KCNN2: variants seen among roughly 807,000 people sequenced by gnomAD.
The protein encoded by KCNN2 is small conductance calcium-activated potassium channel protein 2.
Under a neutral mutation model 55.5 loss-of-function variants are expected in KCNN2, and 24 were observed. The ratio of observed to expected loss-of-function variants is 0.43; its 90% CI spans 0.31 to 0.61. The LOEUF (loss-of-function observed/expected upper bound fraction) is 0.61, where lower values mean the gene tolerates loss of function less well. Among genes scored for constraint, KCNN2 ranks in the 20% least tolerant of loss-of-function variants. The pLI, the probability that KCNN2 is intolerant of heterozygous loss-of-function variation, is 0.08. For missense variants in KCNN2, 754 were observed against 853.6 expected, an observed-to-expected ratio of 0.88 and a Z score of 1.45; for synonymous variants, 431 against 336.1, an observed-to-expected ratio of 1.28 and a Z score of -3.09.
intron 1 of KCNN2, among the ~76,000 whole-genome samples, chr5:114,118,649 C>A (rs956528808): frequency 3.9e-5 from 6 of 151,962 alleles, no homozygotes; most frequent in Non-Finnish European, 8.8e-5. Flanking sequence ...ATCAAGTATG[C>A]TGATTTGCAT....
intron 1 of KCNN2, among the ~76,000 whole-genome samples, chr5:114,102,446 T>A (rs769454257): frequency 6.6e-6 from 1 of 152,206 alleles, no homozygotes; most frequent in African/African-American, 2.4e-5. Flanking sequence ...TTTAATTAGA[T>A]CCCTTTTGTC....
At chr5:114,488,805 A>AC (rs1561416635) in intron 6 of KCNN2, among the ~76,000 whole-genome samples, 1 of 152,196 alleles carries the variant, frequency 6.6e-6, no homozygotes, top group Non-Finnish European at 1.5e-5. Context: ...CAGAGGCCAT[A>AC]CCATGCATGG....
intron 1 of KCNN2, among the ~76,000 whole-genome samples, chr5:114,102,552 C>T (rs1004263442): frequency 5.9e-5 from 9 of 151,900 alleles, no homozygotes; most frequent in South Asian, 2.1e-4. Context: ...TTTTCTTCTA[C>T]GATTTTTATG....
intron 2 of KCNN2, among the ~76,000 whole-genome samples, chr5:114,241,213 A>G (rs1393443761): frequency 6.6e-6 from 1 of 151,916 alleles, no homozygotes; most frequent in African/African-American, 2.4e-5. Flanking sequence ...TCACAAAAAT[A>G]GCAATAATTC....
At chr5:114,185,751 C>A (rs1251546202) in intron 1 of KCNN2, among the ~76,000 whole-genome samples, 1 of 152,200 alleles carries the variant, frequency 6.6e-6, no homozygotes, top group African/African-American at 2.4e-5. Flanking sequence ...TATCTGCCAA[C>A]AAAATTTGCA....
At chr5:114,451,401 AC>A (rs370278520) in intron 3 of KCNN2, among the ~76,000 whole-genome samples, 8 of 152,166 alleles carry the variant, frequency 5.3e-5, no homozygotes, top group Admixed American at 4.6e-4. Context: ...ATGAAAAGAA[AC>A]CGGACATTTT....
chr5:114,179,809 A>T (rs1238941419), intron 1 of KCNN2, among the ~76,000 whole-genome samples: 1 of 152,210 alleles, frequency 6.6e-6, no homozygotes, highest in Non-Finnish European at 1.5e-5. Context: ...AATTAAACAC[A>T]TTTTTGAAAT....
chr5:114,315,868 A>G (rs1756490853), intron 2 of KCNN2, among the ~76,000 whole-genome samples: 1 of 152,160 alleles, frequency 6.6e-6, no homozygotes, highest in Non-Finnish European at 1.5e-5. Context: ...TTATTGGAAC[A>G]TTCAAATCCT....
chr5:114,438,480 A>C (rs72801831), intron 3 of KCNN2, among the ~76,000 whole-genome samples: 11,081 of 152,228 alleles, frequency 0.073, 518 homozygotes, highest in Non-Finnish European at 0.098. Flanking sequence ...ACAGGATAGA[A>C]AAGGGGCTTA....
At chr5:114,240,442 T>G (rs1023745809) in intron 2 of KCNN2, among the ~76,000 whole-genome samples, 2 of 83,650 alleles carry the variant, frequency 2.4e-5, no homozygotes, top group African/African-American at 9.1e-5. Context: ...TTTTTTTTTT[T>G]TTTTTTGAGA....
intron 3 of KCNN2, among the ~76,000 whole-genome samples, chr5:114,435,231 C>T (rs938966066): frequency 1.3e-5 from 2 of 150,900 alleles, no homozygotes; most frequent in Admixed American, 6.6e-5. Context: ...TTTTAAGTAT[C>T]ATTACCTGAG....
chr5:114,195,009 G>C (rs184942965), intron 1 of KCNN2, among the ~76,000 whole-genome samples: 27 of 151,796 alleles, frequency 1.8e-4, no homozygotes, highest in Non-Finnish European at 3.1e-4. Context: ...ATAGTGTAAA[G>C]GTTTTGTTGT....
chr5:114,308,989 G>T (rs1561565061), intron 2 of KCNN2, among the ~76,000 whole-genome samples: 1 of 152,022 alleles, frequency 6.6e-6, no homozygotes. Context: ...TATTTACTCC[G>T]TGACTCAAAA....
At position 114,489,189 on chromosome 5, in the gene KCNN2, T is replaced by A. The variant is rs115132249; in HGVS notation, c.2018+2012T>A. On this transcript the variant is annotated intron_variant, in intron 6 of 7. Coordinates refer to ENST00000673685, the MANE Select transcript of KCNN2 (RefSeq NM_021614.4). ...GTAATATAAGACTCTTCTGGACTAT[T>A]ATGTTCAGAATACATTCACATTCAA... 2.6e-5 allele frequency among the ~76,000 whole-genome samples: 4 copies of A among 152,232 alleles called. No individual in the cohort carries two copies. The South Asian group carries it at 8.3e-4, about 32-fold the overall frequency.
intron 1 of KCNN2, among the ~76,000 whole-genome samples, chr5:114,106,655 T>TTTTC (rs1307339559): frequency 6.6e-6 from 1 of 151,328 alleles, no homozygotes; most frequent in Non-Finnish European, 1.5e-5. Flanking sequence ...TTTTTTTTTT[T>TTTTC]TTTTGGTCAT....
intron 2 of KCNN2, among the ~76,000 whole-genome samples, chr5:114,320,648 C>T (rs1756597746): frequency 6.6e-6 from 1 of 151,964 alleles, no homozygotes; most frequent in Non-Finnish European, 1.5e-5. Flanking sequence ...CAATCCCAAG[C>T]CCCTCCCTCT....
At chr5:114,357,799 C>A (rs1278784924), upstream of KCNN2, among the ~76,000 whole-genome samples, 1 of 151,314 alleles carries the variant, frequency 6.6e-6, no homozygotes, top group Non-Finnish European at 1.5e-5. Flanking sequence ...ATTTATAGTC[C>A]TTTGGGTATA....
chr5:114,405,038 C>T (rs561537007), intron 3 of KCNN2, among the ~76,000 whole-genome samples, 182 bp downstream of exon 3: 1 of 152,180 alleles, frequency 6.6e-6, no homozygotes, highest in South Asian at 2.1e-4. Flanking sequence ...AGAGCAAATG[C>T]CTTCATGCTT....
chr5:114,082,816 G>T (rs1370071832), intron 1 of KCNN2, among the ~76,000 whole-genome samples: 1 of 152,084 alleles, frequency 6.6e-6, no homozygotes, highest in Non-Finnish European at 1.5e-5. Flanking sequence ...TCACAAAGTT[G>T]AATCCTATAT....
Sources: gnomAD v4.1 joint callset for allele counts (sites outside exome capture counted in the v4.1 genomes callset) on GRCh38, gnomAD v4.1.1 for gene constraint, MANE v1.5 for transcripts, NCBI Gene and HGNC (gene_info 2026-07-23, HGNC 2026-07-21) for gene names.